APPBP2: variants seen among roughly 807,000 people sequenced by gnomAD.
The protein encoded by APPBP2 is amyloid protein-binding protein 2.
APPBP2 carries 15 observed loss-of-function variants against 76.0 expected under a neutral mutation model. The ratio of observed to expected loss-of-function variants is 0.20; its 90% CI spans 0.13 to 0.30. The LOEUF is 0.30. Ranked by LOEUF, APPBP2 falls within the 10% of genes least tolerant of loss-of-function variation. The pLI, the probability that APPBP2 is intolerant of heterozygous loss-of-function variation, is 1.00. For synonymous variants in APPBP2, 222 were observed against 242.2 expected, an observed-to-expected ratio of 0.92 and a Z score of 0.77; for missense variants, 401 against 687.2, an observed-to-expected ratio of 0.58 and a Z score of 4.66.
chr17:60,458,977 T>C (rs181393476), intron 9 of APPBP2, among the ~76,000 whole-genome samples: 1 of 152,150 alleles, frequency 6.6e-6, no homozygotes, highest in East Asian at 1.9e-4. Context: ...TTCACTGTGT[T>C]GGCCAGGATG....
intron 1 of APPBP2, among the ~76,000 whole-genome samples, chr17:60,520,037 T>C (rs2090996208): frequency 1.3e-5 from 2 of 151,784 alleles, no homozygotes; most frequent in Non-Finnish European, 2.9e-5. Flanking sequence ...CCTCCCACCA[T>C]GGCCCCAAAG....
At chr17:60,491,680 A>G (rs1459703236) in intron 3 of APPBP2, among the ~76,000 whole-genome samples, 1 of 130,534 alleles carries the variant, frequency 7.7e-6, no homozygotes, top group East Asian at 1.9e-4. Flanking sequence ...CCTGATATCA[A>G]AACAATCCAC....
At chr17:60,507,119 T>G (rs8072018) in intron 1 of APPBP2, among the ~76,000 whole-genome samples, 12,139 of 152,198 alleles carry the variant, frequency 0.08, 1,617 homozygotes, top group African/African-American at 0.28. Context: ...ACGGTTATAT[T>G]GCATAATGCT....
chr17:60,520,157 T>C (rs148763694), intron 1 of APPBP2, among the ~76,000 whole-genome samples: 63 of 152,214 alleles, frequency 4.1e-4, no homozygotes, highest in African/African-American at 1.5e-3. Context: ...AACTGAAATA[T>C]ACAGAGAAAA....
At position 60,466,463 on chromosome 17, in the gene APPBP2, T is replaced by A. The variant is rs1028343355; in HGVS notation, c.504-4A>T. 1.4e-5 allele frequency: 23 copies of A among 1,610,360 alleles called. No individual in the cohort carries two copies. The highest frequency in any genetic ancestry group is 1.9e-5 in the Non-Finnish European group (22 of 1,179,686). ...TCCATTTCGCACATGAAGCAACCTA[T>A]AAAACACCAATAACATTGCTCTATT... On this transcript the variant is annotated splice_polypyrimidine_tract_variant and splice_region_variant and intron_variant, in intron 4 of 12. Transcript: ENST00000083182.
At chr17:60,466,162 G>T in intron 5 of APPBP2, 129 bp downstream of exon 5, 1 of 857,060 alleles carries the variant, frequency 1.2e-6, no homozygotes, top group South Asian at 2.3e-5. Flanking sequence ...CATTACAAAT[G>T]TGTACTGCCT....
At chr17:60,500,530 T>G (rs2090814859) in intron 1 of APPBP2, 43 bp from the exon 2 acceptor site, 1 of 1,364,300 alleles carries the variant, frequency 7.3e-7, no homozygotes, top group African/African-American at 1.5e-5. Context: ...GCAATTTAAT[T>G]CTTCTTTTTA....
In APPBP2 at chr17:60,446,003, T is replaced by C. The variant is rs1457268196; in HGVS notation, c.*1578A>G. ...AATAAAATTTGAAATCTACAACTTT[T>C]CTGTACTCAATGTGGCAGACAGCTT... On this transcript the variant is annotated 3_prime_UTR_variant, in exon 13 of 13. Transcript: ENST00000083182. 1.3e-5 allele frequency: 2 copies of C among 152,206 alleles called. No individual in the cohort carries two copies. The highest frequency in any genetic ancestry group is 4.1e-4 in the South Asian group (2 of 4,830). 9.4% of individuals were successfully genotyped at this position (152,206 alleles called of 1,614,324 possible). A position where few individuals can be genotyped will look rare whatever the true frequency, so the allele number is the denominator to read the frequency against.
At chr17:60,460,976 G>C (rs912798876) in intron 8 of APPBP2, 189 bp from the exon 9 acceptor site, 2 of 374,482 alleles carry the variant, frequency 5.3e-6, no homozygotes, top group East Asian at 4.4e-5. Context: ...GAAGATACGA[G>C]TTTGACTTAA....
intron 4 of APPBP2, among the ~76,000 whole-genome samples, chr17:60,472,725 C>T (rs1272646560): frequency 1.3e-5 from 2 of 152,194 alleles, no homozygotes. Flanking sequence ...AATTAGCAGA[C>T]AGATTGAAAG....
At chr17:60,500,372 T>C in intron 2 of APPBP2, 27 bp downstream of exon 2, 1 of 1,448,766 alleles carries the variant, frequency 6.9e-7, no homozygotes, top group South Asian at 1.2e-5. Flanking sequence ...TTATGTATAT[T>C]TTACAATTTT....
rs773905454 is a variant in APPBP2, at chr17:60,503,013, C to CTT, written c.139-2528_139-2527dup. On this transcript the variant is annotated intron_variant, in intron 1 of 12. Coordinates refer to ENST00000083182, the MANE Select transcript of APPBP2 (RefSeq NM_006380.5). ...TTTGATATTTGGCTGTTTAAATTTT[C>CTT]TTTTTTTTTTTTTTTTGGGACAGAG... Among the ~76,000 whole-genome samples the CTT allele has an allele frequency of 2.0e-3, 256 of 126,470 alleles. 22 individuals carry two copies. Among genetic ancestry groups the CTT allele is most frequent in the African/African-American group, 8.0e-3 (236 of 29,450 alleles). The allele number at this position is 126,470 out of a possible 152,430, so 83.0% of individuals were successfully genotyped here. A position where few individuals can be genotyped will look rare whatever the true frequency, so the allele number is the denominator to read the frequency against.
intron 6 of APPBP2, among the ~76,000 whole-genome samples, chr17:60,463,418 A>C (rs529526278): frequency 6.6e-6 from 1 of 152,284 alleles, no homozygotes; most frequent in South Asian, 2.1e-4. Context: ...AGGTGGGAGG[A>C]TCGCTTGAGT....
At chr17:60,464,167 T>A (rs1450736121) in intron 5 of APPBP2, 57 bp from the exon 6 acceptor site, 4 of 1,420,454 alleles carry the variant, frequency 2.8e-6, no homozygotes, top group Non-Finnish European at 3.9e-6. Flanking sequence ...TTGACAATAT[T>A]TAACAAGATG....
chr17:60,504,438 T>C (rs1243281749), intron 1 of APPBP2, among the ~76,000 whole-genome samples: 1 of 151,890 alleles, frequency 6.6e-6, no homozygotes, highest in Non-Finnish European at 1.5e-5. Flanking sequence ...AAGAAAAAAA[T>C]TACTTAATAA....
Position 60,500,384 on chromosome 17 carries a change from TA to T in APPBP2, c.227+14del. The T allele has an allele frequency of 6.5e-7, 1 of 1,547,206 alleles. No homozygotes were observed. The highest frequency in any genetic ancestry group is 1.2e-5 in the South Asian group (1 of 85,130). On this transcript the variant is annotated intron_variant, in intron 2 of 12. Transcript: ENST00000083182. Reference sequence around the variant, plus strand: ...ATGTTATGTATATTTTACAATTTTTTAAAAAAGAATTTACCTTTTATCCAAA... The same window carrying T: ...ATGTTATGTATATTTTACAATTTTTTAAAAAGAATTTACCTTTTATCCAAA...
intron 1 of APPBP2, among the ~76,000 whole-genome samples, chr17:60,511,105 A>G (rs1233715960): frequency 1.3e-5 from 2 of 152,224 alleles, no homozygotes; most frequent in Admixed American, 6.5e-5. Context: ...ATGGAAGTTC[A>G]AAACAAAAAT....
At position 60,466,616 on chromosome 17, in the gene APPBP2, G is replaced by A. The variant is rs1424598331; in HGVS notation, c.504-157C>T. Among the ~76,000 whole-genome samples, 3 of 152,266 alleles carry A rather than the reference G, an allele frequency of 2.0e-5. No individual in the cohort carries two copies. The East Asian group carries it at 5.8e-4, about 29-fold the overall frequency. On this transcript the variant is annotated intron_variant, in intron 4 of 12. Coordinates refer to ENST00000083182, the MANE Select transcript of APPBP2 (RefSeq NM_006380.5). ...TGGCCCAAATTGGAGTTGACCTCAT[G>A]CCCATAAAGAAGTACATGCTCTTTC...
intron 3 of APPBP2, among the ~76,000 whole-genome samples, chr17:60,493,150 AT>A (rs1164294398): frequency 6.6e-6 from 1 of 152,096 alleles, no homozygotes; most frequent in African/African-American, 2.4e-5. Flanking sequence ...TTCCGCCATG[AT>A]TGTGAAGCCT....
Sources: gnomAD v4.1 joint callset for allele counts (sites outside exome capture counted in the v4.1 genomes callset) on GRCh38, gnomAD v4.1.1 for gene constraint, MANE v1.5 for transcripts, NCBI Gene and HGNC (gene_info 2026-07-23, HGNC 2026-07-21) for gene names.